ROS1: variants seen among roughly 807,000 people sequenced by gnomAD.
ROS1 encodes ROS proto-oncogene 1, receptor tyrosine kinase, also known as proto-oncogene tyrosine-protein kinase ROS.
ROS1 carries 263 observed loss-of-function variants against 273.5 expected under a neutral mutation model. The ratio of observed to expected loss-of-function variants is 0.96; its 90% CI spans 0.87 to 1.06. The LOEUF is 1.06. Ranked by LOEUF, ROS1 falls within the 50% of genes least tolerant of loss-of-function variation. The pLI is 0.00. For synonymous variants in ROS1, 1,008 were observed against 954.1 expected (o/e 1.06, Z -1.04); for missense variants, 2,833 against 2,751.1 (o/e 1.03, Z -0.67).
intron 18 of ROS1, among the ~76,000 whole-genome samples, chr6:117,366,550 G>C (rs1411499051): frequency 6.6e-6 from 1 of 152,112 alleles, no homozygotes; most frequent in Non-Finnish European, 1.5e-5. Context: ...GTCTCACTCT[G>C]TTGCCCAAGC....
chr6:117,301,016 C>G lies in ROS1; in HGVS notation c.6673G>C (p.Asp2225His), dbSNP rs2128536742. 1 of 1,601,256 alleles carries G rather than the reference C, an allele frequency of 6.2e-7. No homozygotes were observed. Among genetic ancestry groups the G allele is most frequent in the Non-Finnish European group, 8.5e-7 (1 of 1,175,210 alleles). ...ATGACTCCACTGTTGTTTGCTTCAT[C>G]TCTGGACTTATAAATGCTATTTAAG... ...FFLNSIYKSR[D>H]EANNSGVINE... The change falls in exon 43 of 44, where the codon GAT (aspartate) becomes CAT (histidine). Residue 2225 changes from aspartate to histidine, a missense_variant. Physicochemically the swap from Asp to His is moderately conservative, Grantham distance 81. Coordinates refer to ENST00000368507, the MANE Select transcript of ROS1 (RefSeq NM_001378902.1).
intron 43 of ROS1, among the ~76,000 whole-genome samples, chr6:117,300,704 T>C (rs1192366907): frequency 1.3e-5 from 2 of 152,198 alleles, no homozygotes; most frequent in East Asian, 1.9e-4. Context: ...ACAGACCTTA[T>C]GAAAATGTAG....
chr6:117,371,156 A>G (rs1780731964), intron 18 of ROS1, among the ~76,000 whole-genome samples: 1 of 152,146 alleles, frequency 6.6e-6, no homozygotes. Flanking sequence ...TGCTCCAAGA[A>G]CTACCACAGG....
chr6:117,330,523 C>T (rs1777003072), intron 32 of ROS1, among the ~76,000 whole-genome samples: 1 of 152,156 alleles, frequency 6.6e-6, no homozygotes, highest in Admixed American at 6.5e-5. Context: ...TGGGTGAGAC[C>T]CTCCAACAGG....
chr6:117,407,286 G>A (rs74501607), intron 5 of ROS1, among the ~76,000 whole-genome samples: 78 of 152,254 alleles, frequency 5.1e-4, no homozygotes, highest in African/African-American at 1.8e-3. Flanking sequence ...CTACAGCTCG[G>A]TGGGAGGATG....
At chr6:117,328,091 C>G (rs1776778894) in intron 33 of ROS1, among the ~76,000 whole-genome samples, 1 of 152,112 alleles carries the variant, frequency 6.6e-6, no homozygotes, top group South Asian at 2.1e-4. Context: ...TTGTGGCAAC[C>G]CTTGGAAACT....
In ROS1 at chr6:117,329,786, C is replaced by T. The variant is rs376525851; in HGVS notation, c.5231-340G>A. ...CCCTCCAGCCAAGGGGAGCGGCGAG[C>T]GAGCAGGCTACCCAGCCGGGGAAAT... On this transcript the variant is annotated intron_variant, in intron 32 of 43. Coordinates refer to ENST00000368507, the MANE Select transcript of ROS1 (RefSeq NM_001378902.1). 3.2e-4 allele frequency among the ~76,000 whole-genome samples: 49 copies of T among 152,244 alleles called. No individual in the cohort carries two copies. The South Asian group carries it at 8.3e-3, about 26-fold the overall frequency.
chr6:117,394,238 T>TA lies in ROS1; in HGVS notation c.1114dup (p.Tyr372LeufsTer25), dbSNP rs1392239785. 7 of 1,610,632 alleles carry TA rather than the reference T, an allele frequency of 4.3e-6. No homozygotes were observed. The highest frequency in any genetic ancestry group is 1.3e-5 in the African/African-American group (1 of 74,780). ...AGAAGAAATTAATCCTGAACCTCTG[T>TA]AAAAAATTCTCAGGTCAGATACATC... is the stretch of plus-strand genomic sequence containing the variant. On this transcript the variant is annotated frameshift_variant, in exon 11 of 44. Transcript: ENST00000368507. LOFTEE classifies it high-confidence loss of function.
chr6:117,389,629 T>C lies in ROS1; in HGVS notation c.1507A>G (p.Ile503Val). 1 of 1,614,214 alleles carries C rather than the reference T, an allele frequency of 6.2e-7. No individual in the cohort carries two copies. The highest frequency in any genetic ancestry group is 1.1e-5 in the South Asian group (1 of 91,084). Residue 503 changes from isoleucine (I) to valine (V), a missense_variant, in exon 13 of 44, where the codon ATC (isoleucine) becomes GTC (valine). Ile to Val is a conservative substitution (Grantham distance 29, BLOSUM62 3). Transcript: ENST00000368507. The stretch of plus-strand genomic sequence containing the variant: ...AAACTTTTCACATCAGCAAAGGGGA[T>C]GCGAGGTAGGATGAGATGGGAAGCA... ...GSASHLILPR[I>V]PFADVKSFAC...
chr6:117,408,982 C>T (rs908445333), intron 5 of ROS1, among the ~76,000 whole-genome samples: 1 of 145,868 alleles, frequency 6.9e-6, no homozygotes, highest in Admixed American at 7.3e-5. Flanking sequence ...CCAAACACTG[C>T]ATGTTCTCAC....
chr6:117,327,669 T>C (rs969403400), intron 33 of ROS1, among the ~76,000 whole-genome samples: 3 of 152,230 alleles, frequency 2.0e-5, no homozygotes, highest in Non-Finnish European at 4.4e-5. Context: ...CATTTAAACA[T>C]GGTTTGTGTA....
chr6:117,375,300 G>T (rs992473009), intron 18 of ROS1, among the ~76,000 whole-genome samples: 10 of 152,312 alleles, frequency 6.6e-5, no homozygotes, highest in African/African-American at 2.4e-4. Context: ...TAAAGGGTGG[G>T]AGGAGGGTGA....
intron 31 of ROS1, among the ~76,000 whole-genome samples, chr6:117,339,738 G>C (rs928675016): frequency 6.6e-6 from 1 of 152,090 alleles, no homozygotes; most frequent in African/African-American, 2.4e-5. Context: ...GAAAACAGAG[G>C]AAGTTTAGAA....
chr6:117,422,999 T>A (rs901321590), intron 1 of ROS1, among the ~76,000 whole-genome samples: 1 of 152,038 alleles, frequency 6.6e-6, no homozygotes, highest in African/African-American at 2.4e-5. Flanking sequence ...CAATATTAGT[T>A]CCTCAGTTGT....
Position 117,418,463 on chromosome 6 carries a change from G to T in ROS1, c.167C>A (p.Pro56Gln). The change falls in exon 2 of 44, where the codon CCG becomes CAG. Residue 56 changes from proline to glutamine, a missense_variant and splice_region_variant. Physicochemically the swap from Pro to Gln is moderately conservative, Grantham distance 76. Coordinates refer to ENST00000368507, the MANE Select transcript of ROS1 (RefSeq NM_001378902.1). ...DLGTPHNLSE[P>Q]CIQGCHFWNS... ...TTGACAACTGAAGAAATTACTTACC[G>T]GTTCACTCAGATTATGTGGTGTGCC... 6.3e-7 allele frequency: 1 copy of T among 1,593,332 alleles called. No individual in the cohort carries two copies. Among genetic ancestry groups the T allele is most frequent in the Non-Finnish European group, 8.5e-7 (1 of 1,170,932 alleles).
chr6:117,362,819 T>A lies in ROS1; in HGVS notation c.3150A>T (p.Gly1050=). 1 of 1,613,600 alleles carries A rather than the reference T, an allele frequency of 6.2e-7. No homozygotes were observed. The highest frequency in any genetic ancestry group is 1.3e-5 in the African/African-American group (1 of 75,032). ...CAACTTCATTCTTGTTGCAGCATTT[T>A]CCACTTGGTAATATAAATATTCTGG... ...ENPRIFILPS[G]KCCNKNEVVV... The change falls in exon 22 of 44, where the codon GGA becomes GGT. Residue 1050 remains glycine (G), a synonymous_variant. Transcript: ENST00000368507.
rs142877218 is a variant in ROS1, at chr6:117,387,909, T to C, written c.1870A>G (p.Ile624Val). The C allele has an allele frequency of 5.0e-5, 80 of 1,614,108 alleles. No individual in the cohort carries two copies. Among genetic ancestry groups the C allele is most frequent in the Admixed American group, 6.7e-5 (4 of 60,014 alleles). ...GGTACATTCAGCATGGTTCCACTTATGTTCAAGAAAATATGAGTGACTTCA... is the reference window on the plus strand; with the variant it reads ...GGTACATTCAGCATGGTTCCACTTACGTTCAAGAAAATATGAGTGACTTCA... ...PPEVTHIFLN[I>V]SGTMLNVPEL... The change falls in exon 14 of 44, where the codon ATA becomes GTA. Residue 624 changes from isoleucine to valine, a missense_variant. By Grantham distance (29) the Ile-to-Val change is conservative (BLOSUM62 3). Coordinates refer to ENST00000368507, the MANE Select transcript of ROS1 (RefSeq NM_001378902.1).
chr6:117,367,757 TAATA>T (rs1780388542), intron 18 of ROS1, among the ~76,000 whole-genome samples: 1 of 152,214 alleles, frequency 6.6e-6, no homozygotes, highest in African/African-American at 2.4e-5. Flanking sequence ...GGTATAACAC[TAATA>T]AATCTGCATC....
rs1249693270 is a variant in ROS1 at position 117,310,092 on chromosome 6, T to C, written c.6405A>G (p.Gln2135=). Residue 2135 remains glutamine, a synonymous_variant, in exon 41 of 44, where the codon CAA becomes CAG. Coordinates refer to ENST00000368507, the MANE Select transcript of ROS1 (RefSeq NM_001378902.1). The part of the protein sequence containing the change: ...ESLMDGIFTT[Q]SDVWSFGILI... ...CCCGTTAAACTTACCATACATCAGATTGAGTAGTGAAGATTCCATCCATCA... is the reference window on the plus strand; with the variant it reads ...CCCGTTAAACTTACCATACATCAGACTGAGTAGTGAAGATTCCATCCATCA... 7.4e-6 allele frequency: 12 copies of C among 1,612,874 alleles called. No individual in the cohort carries two copies. Among genetic ancestry groups the C allele is most frequent in the Non-Finnish European group, 1.0e-5 (12 of 1,179,186 alleles).
Sources: allele counts gnomAD v4.1 joint callset (sites outside exome capture counted in the v4.1 genomes callset), GRCh38; gene constraint gnomAD v4.1.1; transcripts MANE v1.5; gene names NCBI Gene and HGNC (gene_info 2026-07-23, HGNC 2026-07-21).